Variants in GLRA1 observed in about 807,000 individuals in gnomAD.
GLRA1 encodes the protein glycine receptor alpha 1.
GLRA1 carries 37 observed loss-of-function variants against 48.3 expected under a neutral mutation model. The ratio of observed to expected loss-of-function variants is 0.77; its 90% CI spans 0.59 to 1.01. The LOEUF is 1.01. Ranked by LOEUF, GLRA1 falls within the 50% of genes least tolerant of loss-of-function variation. The pLI is 0.00. For missense variants in GLRA1, 427 were observed against 571.0 expected (o/e 0.75, Z 2.57); for synonymous variants, 196 against 210.7 (o/e 0.93, Z 0.60).
chr5:151,914,445 G>T (rs1581665220), intron 1 of GLRA1, among the ~76,000 whole-genome samples: 1 of 152,274 alleles, frequency 6.6e-6, no homozygotes, highest in East Asian at 1.9e-4. Context: ...TGCTTGAGGT[G>T]GGGCACATAC....
chr5:151,878,250 G>A (rs1753675509), intron 3 of GLRA1, among the ~76,000 whole-genome samples: 1 of 152,202 alleles, frequency 6.6e-6, no homozygotes, highest in Non-Finnish European at 1.5e-5. Context: ...CTGCCCCAGA[G>A]ATTTGTGGAA....
chr5:151,849,894 C>T, intron 7 of GLRA1: 1 of 1,509,706 alleles, frequency 6.6e-7, no homozygotes, highest in Non-Finnish European at 8.9e-7. Context: ...TCTGAAGGCT[C>T]CAACAGTGAC....
chr5:151,912,311 A>G (rs1754637932), intron 1 of GLRA1, among the ~76,000 whole-genome samples: 1 of 150,232 alleles, frequency 6.7e-6, no homozygotes, highest in Admixed American at 6.7e-5. Flanking sequence ...CATTGAGGAA[A>G]CTACCTTTAA....
chr5:151,867,326 C>A (rs965745448), intron 3 of GLRA1, among the ~76,000 whole-genome samples: 2 of 152,046 alleles, frequency 1.3e-5, no homozygotes, highest in Non-Finnish European at 1.5e-5. Context: ...TCACCTGGAA[C>A]AAGGCCAGCG....
intron 8 of GLRA1, among the ~76,000 whole-genome samples, chr5:151,823,642 C>T (rs1442037626): frequency 2.0e-5 from 3 of 152,220 alleles, no homozygotes; most frequent in East Asian, 3.8e-4. Context: ...TTCAGACAGA[C>T]CTCTGGATTT....
At chr5:151,883,710 A>G (rs1476692897) in intron 3 of GLRA1, among the ~76,000 whole-genome samples, 1 of 152,208 alleles carries the variant, frequency 6.6e-6, no homozygotes, top group Non-Finnish European at 1.5e-5. Flanking sequence ...TCCATGCTTT[A>G]TCTCTTAATA....
chr5:151,922,160 G>T (rs376664347), intron 1 of GLRA1, among the ~76,000 whole-genome samples: 2 of 152,212 alleles, frequency 1.3e-5, no homozygotes, highest in African/African-American at 4.8e-5. Context: ...GGGTGACTGA[G>T]ATGATTGGAT....
At chr5:151,879,614 G>A (rs2113393484) in intron 3 of GLRA1, among the ~76,000 whole-genome samples, 1 of 152,316 alleles carries the variant, frequency 6.6e-6, no homozygotes, top group Non-Finnish European at 1.5e-5. Context: ...GCCTCCCAAA[G>A]TGTTGGGATT....
At chr5:151,890,933 A>G (rs1754050740) in intron 2 of GLRA1, among the ~76,000 whole-genome samples, 1 of 152,214 alleles carries the variant, frequency 6.6e-6, no homozygotes, top group Non-Finnish European at 1.5e-5. Context: ...AGTGGGCCCA[A>G]ACAGAGACCT....
At chr5:151,825,917 C>G (rs1763258347) in intron 8 of GLRA1, among the ~76,000 whole-genome samples, 1 of 152,150 alleles carries the variant, frequency 6.6e-6, no homozygotes, top group Non-Finnish European at 1.5e-5. Flanking sequence ...GCTTGTACAC[C>G]TCTAGGGTAC....
intron 1 of GLRA1, among the ~76,000 whole-genome samples, chr5:151,906,369 A>G (rs980771666): frequency 6.6e-6 from 1 of 152,250 alleles, no homozygotes; most frequent in Admixed American, 6.5e-5. Context: ...AGAGTCAGGA[A>G]TGCAGGAAAT....
chr5:151,828,462 T>C lies in GLRA1; in HGVS notation c.1059+459A>G, dbSNP rs546577062. ...CCCACTCTGGCAGAGATCTTGCTTG[T>C]TGCCTCTTTCCTAGAGGCAGGAAGC... On this transcript the variant is annotated intron_variant, in intron 8 of 8. Transcript: ENST00000274576. Among the ~76,000 whole-genome samples, 99 of 152,286 alleles carry C rather than the reference T, an allele frequency of 6.5e-4. 1 individual carries two copies. Among genetic ancestry groups the C allele is most frequent in the Middle Eastern group, 3.4e-3 (1 of 294 alleles).
intron 7 of GLRA1, among the ~76,000 whole-genome samples, chr5:151,830,956 C>T (rs1210691652): frequency 6.6e-6 from 1 of 152,220 alleles, no homozygotes; most frequent in African/African-American, 2.4e-5. Context: ...CCCAGCTCAT[C>T]TCACTGGGAC....
At chr5:151,859,083 G>A (rs947496541) in intron 4 of GLRA1, among the ~76,000 whole-genome samples, 2 of 152,186 alleles carry the variant, frequency 1.3e-5, no homozygotes, top group African/African-American at 4.8e-5. Context: ...TATTAGGAGG[G>A]CTGGATATAA....
chr5:151,848,869 C>T (rs1581612431), intron 7 of GLRA1: 1 of 621,984 alleles, frequency 1.6e-6, no homozygotes, highest in Non-Finnish European at 3.1e-6. Flanking sequence ...GCTCAGCGCC[C>T]AGAACACCTT....
At position 151,824,853 on chromosome 5, in the gene GLRA1, A is replaced by T. The variant is rs185737911; in HGVS notation, c.1060-1890T>A. Among the ~76,000 whole-genome samples, 7 of 150,412 alleles carry T rather than the reference A, an allele frequency of 4.7e-5. No individual in the cohort carries two copies. In the South Asian group the frequency reaches 6.3e-4, roughly 13 times the overall value. Reference sequence around the variant, plus strand: ...ATGTTCACTGCACTCTCAACACTGAACATATGAACATAGTCCCTGGTTCAT... The same window carrying T: ...ATGTTCACTGCACTCTCAACACTGATCATATGAACATAGTCCCTGGTTCAT... On this transcript the variant is annotated intron_variant, in intron 8 of 8. Transcript: ENST00000274576.
chr5:151,901,184 C>T (rs76994985), intron 1 of GLRA1, among the ~76,000 whole-genome samples: 4 of 152,286 alleles, frequency 2.6e-5, no homozygotes, highest in East Asian at 1.9e-4. Context: ...CCTATGTTTG[C>T]GCATAAACCC....
chr5:151,862,482 C>T (rs1348376117), intron 3 of GLRA1, among the ~76,000 whole-genome samples: 1 of 152,176 alleles, frequency 6.6e-6, no homozygotes. Context: ...TCAGAGTGAA[C>T]AGGCAACCTA....
rs535813773 is a variant in GLRA1, at chr5:151,842,187, T to G, written c.912+9203A>C. 3.5e-4 allele frequency among the ~76,000 whole-genome samples: 53 copies of G among 152,282 alleles called. No individual in the cohort carries two copies. In the South Asian group the frequency reaches 7.3e-3, roughly 21 times the overall value. ...TTCTTTCATTAATTCTACCAAACATTTAAAGAATTCACACAAATCCTTCTT... is the reference window on the plus strand; with the variant it reads ...TTCTTTCATTAATTCTACCAAACATGTAAAGAATTCACACAAATCCTTCTT... On this transcript the variant is annotated intron_variant, in intron 7 of 8. Coordinates refer to ENST00000274576, the MANE Select transcript of GLRA1 (RefSeq NM_000171.4).
Sources: allele counts gnomAD v4.1 joint callset (sites outside exome capture counted in the v4.1 genomes callset), GRCh38; gene constraint gnomAD v4.1.1; transcripts MANE v1.5; gene names NCBI Gene and HGNC (gene_info 2026-07-23, HGNC 2026-07-21).